Variants in DCUN1D4 observed in about 807,000 individuals in gnomAD.
DCUN1D4 encodes defective in cullin neddylation 1 domain containing 4, also known as DCN1-like protein 4.
Under a neutral mutation model 47.9 loss-of-function variants are expected in DCUN1D4, and 22 were observed. That is an observed-to-expected ratio of 0.46 (90% confidence interval 0.33 to 0.66). The LOEUF (loss-of-function observed/expected upper bound fraction) is 0.66. Among genes scored for constraint, DCUN1D4 ranks in the 30% least tolerant of loss-of-function variants. The pLI is 0.02. For synonymous variants in DCUN1D4, 121 were observed against 112.2 expected, an observed-to-expected ratio of 1.08 and a Z score of -0.50; for missense variants, 301 against 340.8, an observed-to-expected ratio of 0.88 and a Z score of 0.92.
chr4:51,913,895 T>C lies in DCUN1D4; in HGVS notation c.*311T>C, dbSNP rs181121812. 3 of 265,622 alleles carry C rather than the reference T, an allele frequency of 1.1e-5. No individual in the cohort carries two copies. Among genetic ancestry groups the C allele is most frequent in the East Asian group, 1.4e-4 (2 of 14,420 alleles). 16.5% of individuals were successfully genotyped at this position (265,622 alleles called of 1,614,324 possible). ...AAAAGGAAAAAGGTTCACCTAGAGA[T>C]TATTTCTGAAAAATGTATTGTAAAA... On this transcript the variant is annotated 3_prime_UTR_variant, in exon 11 of 11. Transcript: ENST00000334635.
chr4:51,879,310 G>A (rs1728164213), intron 5 of DCUN1D4, among the ~76,000 whole-genome samples: 2 of 152,162 alleles, frequency 1.3e-5, no homozygotes, highest in South Asian at 4.1e-4. Context: ...AGAATTTCTA[G>A]TAAAAGTGAT....
At chr4:51,882,204 A>G (rs1372369863) in intron 5 of DCUN1D4, among the ~76,000 whole-genome samples, 2 of 152,234 alleles carry the variant, frequency 1.3e-5, no homozygotes, top group African/African-American at 4.8e-5. Flanking sequence ...AAGAAAAAGC[A>G]TTAATAACTT....
intron 7 of DCUN1D4, among the ~76,000 whole-genome samples, chr4:51,895,498 C>A (rs1231208598): frequency 6.9e-6 from 1 of 144,492 alleles, no homozygotes; most frequent in Non-Finnish European, 1.5e-5. Flanking sequence ...CATTCCCCTG[C>A]CAGAGAAGAC....
chr4:51,880,089 A>G (rs1728336120), intron 5 of DCUN1D4, among the ~76,000 whole-genome samples: 1 of 152,062 alleles, frequency 6.6e-6, no homozygotes, highest in Non-Finnish European at 1.5e-5. Context: ...TAGCTTGTCC[A>G]TAGGGAAAAT....
chr4:51,916,539 T>G lies in DCUN1D4; in HGVS notation c.*2955T>G, dbSNP rs1436719729. ...TGTATAATAAATGTATAGATTTCAT[T>G]GACCAACTAAAATGTTGGGTGTCTG... is the stretch of plus-strand genomic sequence containing the variant. On this transcript the variant is annotated 3_prime_UTR_variant, in exon 11 of 11. Transcript: ENST00000334635. The G allele has an allele frequency of 6.6e-6, 1 of 152,628 alleles. No individual in the cohort carries two copies. Among genetic ancestry groups the G allele is most frequent in the Non-Finnish European group, 1.5e-5 (1 of 68,026 alleles). The allele number at this position is 152,628 out of a possible 1,614,324, so 9.5% of individuals were successfully genotyped here.
intron 1 of DCUN1D4, among the ~76,000 whole-genome samples, chr4:51,859,389 T>A (rs139889876): frequency 2.5e-4 from 38 of 152,258 alleles, no homozygotes; most frequent in African/African-American, 8.4e-4. Flanking sequence ...GTTTTTGCTT[T>A]TTATGTATTT....
Position 51,856,500 on chromosome 4 carries a change from T to C in DCUN1D4, c.26-6937T>C, listed in dbSNP as rs1198570360. ...TAAATTACTTTAAGTGTGTGGTTGC[T>C]TGTTGACAGCTTTGGTTAGGAAACG... On this transcript the variant is annotated intron_variant, in intron 1 of 10. Coordinates refer to ENST00000334635, the MANE Select transcript of DCUN1D4 (RefSeq NM_001040402.3). Among the ~76,000 whole-genome samples the C allele has an allele frequency of 3.5e-4, 54 of 152,240 alleles. 1 individual carries two copies. The highest frequency in any genetic ancestry group is 3.5e-3 in the Admixed American group (54 of 15,280).
intron 8 of DCUN1D4, among the ~76,000 whole-genome samples, chr4:51,903,827 C>A (rs1474071114): frequency 6.6e-6 from 1 of 151,970 alleles, no homozygotes; most frequent in East Asian, 1.9e-4. Context: ...TTAAAAGTTC[C>A]ATTTGGGTCT....
intron 4 of DCUN1D4, 79 bp from the exon 5 acceptor site, chr4:51,877,684 G>A (rs1347538046): frequency 5.7e-6 from 5 of 871,352 alleles, no homozygotes; most frequent in Admixed American, 2.3e-5. Context: ...TCTGGTTTGG[G>A]TAAAAGAATA....
intron 8 of DCUN1D4, among the ~76,000 whole-genome samples, chr4:51,906,723 C>T (rs1732952919): frequency 6.6e-6 from 1 of 152,160 alleles, no homozygotes; most frequent in Non-Finnish European, 1.5e-5. Flanking sequence ...CCTTAAGATT[C>T]CTCTTTAGTT....
intron 6 of DCUN1D4, among the ~76,000 whole-genome samples, chr4:51,888,927 T>C (rs1235612824): frequency 6.6e-6 from 1 of 151,906 alleles, no homozygotes; most frequent in Non-Finnish European, 1.5e-5. Flanking sequence ...CTGGAAAACA[T>C]GGTGAAACCC....
chr4:51,913,116 T>G (rs1733948227), intron 9 of DCUN1D4, among the ~76,000 whole-genome samples, 174 bp from the exon 10 acceptor site: 1 of 152,162 alleles, frequency 6.6e-6, no homozygotes, highest in South Asian at 2.1e-4. Context: ...AATTGTCATC[T>G]TAAATTCTAC....
Position 51,871,640 on chromosome 4 carries a change from A to G in DCUN1D4, c.137-2631A>G, listed in dbSNP as rs375713678. On this transcript the variant is annotated intron_variant, in intron 3 of 10. Transcript: ENST00000334635. ...AAATGTCTTTTCTTCCTGCATATAC[A>G]TCTAAGGAGGGAGAAGCCAGCCTTG... Among the ~76,000 whole-genome samples, 9 of 152,350 alleles carry G rather than the reference A, an allele frequency of 5.9e-5. No homozygotes were observed. The East Asian group carries it at 9.6e-4, about 16-fold the overall frequency.
At chr4:51,844,380 C>T in intron 1 of DCUN1D4, 3 of 984,524 alleles carry the variant, frequency 3.0e-6, no homozygotes, top group Non-Finnish European at 3.6e-6. Context: ...CGTGGTTCCC[C>T]CCGGACGGCG....
chr4:51,882,102 G>T (rs149908066), intron 5 of DCUN1D4, among the ~76,000 whole-genome samples: 58 of 55,986 alleles, frequency 1.0e-3, no homozygotes, highest in African/African-American at 4.2e-3. Context: ...TACTTTGACA[G>T]TCATGCCATT....
intron 1 of DCUN1D4, among the ~76,000 whole-genome samples, chr4:51,851,925 T>A (rs1723438237): frequency 6.6e-6 from 1 of 152,238 alleles, no homozygotes; most frequent in African/African-American, 2.4e-5. Flanking sequence ...TCCATGGTCT[T>A]GGTAACCCTC....
intron 6 of DCUN1D4, among the ~76,000 whole-genome samples, chr4:51,888,528 G>A (rs564658476): frequency 2.6e-5 from 4 of 151,160 alleles, no homozygotes; most frequent in African/African-American, 9.7e-5. Context: ...ATCACCTGAG[G>A]TCAGCAGTTC....
rs1413676009 is a variant in DCUN1D4 at position 51,913,641 on chromosome 4, C to G, written c.*57C>G. On this transcript the variant is annotated 3_prime_UTR_variant, in exon 11 of 11. Transcript: ENST00000334635. ...TTACCACAGTTTTGTCACCCATTAG[C>G]CATAAATTGCTGTTTGTATCAAAGC... is the stretch of plus-strand genomic sequence containing the variant. 1.3e-6 allele frequency: 2 copies of G among 1,493,344 alleles called. No individual in the cohort carries two copies. Among genetic ancestry groups the G allele is most frequent in the Non-Finnish European group, 1.9e-6 (2 of 1,075,050 alleles). 92.5% of individuals were successfully genotyped at this position (1,493,344 alleles called of 1,614,324 possible). A position where few individuals can be genotyped will look rare whatever the true frequency, so the allele number is the denominator to read the frequency against.
chr4:51,874,536 G>T, intron 4 of DCUN1D4, 151 bp downstream of exon 4: 1 of 488,044 alleles, frequency 2.0e-6, no homozygotes, highest in Non-Finnish European at 3.6e-6. Flanking sequence ...ATTTAATCAT[G>T]TTTATTTTGT....
Sources: gnomAD v4.1 joint callset for allele counts (sites outside exome capture counted in the v4.1 genomes callset) on GRCh38, gnomAD v4.1.1 for gene constraint, MANE v1.5 for transcripts, NCBI Gene and HGNC (gene_info 2026-07-23, HGNC 2026-07-21) for gene names.